The following LRGUK variants were observed in gnomAD, a reference collection of about 807,000 sequenced individuals.
LRGUK encodes the protein leucine rich repeats and guanylate kinase domain containing.
Under a neutral mutation model 76.0 loss-of-function variants are expected in LRGUK, and 65 were observed. The observed-to-expected ratio is 0.85, with a 90% CI of 0.70 to 1.05. The LOEUF (loss-of-function observed/expected upper bound fraction) is 1.05, where lower values mean the gene tolerates loss of function less well. LRGUK is among the 50% of genes least tolerant of loss of function. LRGUK has a pLI of 0.00. For synonymous variants in LRGUK, 268 were observed against 265.6 expected (o/e 1.01, Z -0.09); for missense variants, 758 against 732.8 (o/e 1.03, Z -0.40).
At chr7:134,191,829 T>A in intron 12 of LRGUK, 78 bp downstream of exon 12, 1 of 1,001,292 alleles carries the variant, frequency 1.0e-6, no homozygotes, top group Non-Finnish European at 1.5e-6. Context: ...TAGTTATAAA[T>A]AAAAAAAGGA....
chr7:134,131,023 G>A, intron 1 of LRGUK, among the ~76,000 whole-genome samples: 1 of 152,166 alleles, frequency 6.6e-6, no homozygotes. Context: ...GCTAACTACA[G>A]CCCATTAAGT....
intron 11 of LRGUK, among the ~76,000 whole-genome samples, chr7:134,185,543 ATTT>A (rs112707564): frequency 5.3e-5 from 8 of 150,364 alleles, no homozygotes; most frequent in Admixed American, 5.3e-4. Flanking sequence ...AAAAAAAAAG[ATTT>A]TTTTTTAGAG....
intron 6 of LRGUK, among the ~76,000 whole-genome samples, chr7:134,158,991 G>T (rs1009380527): frequency 1.3e-5 from 2 of 152,260 alleles, no homozygotes; most frequent in African/African-American, 4.8e-5. Context: ...CTTGTAGCTT[G>T]TAAATTTCTT....
chr7:134,174,384 G>A (rs1212330020), intron 7 of LRGUK, among the ~76,000 whole-genome samples, 172 bp from the exon 8 acceptor site: 1 of 152,158 alleles, frequency 6.6e-6, no homozygotes, highest in Non-Finnish European at 1.5e-5. Context: ...GAAGGGGTAT[G>A]CAATAATTCC....
At chr7:134,183,533 T>C (rs1035805125) in intron 10 of LRGUK, among the ~76,000 whole-genome samples, 1 of 152,244 alleles carries the variant, frequency 6.6e-6, no homozygotes, top group Non-Finnish European at 1.5e-5. Flanking sequence ...AAGTTCATAT[T>C]TTACCTTATT....
At chr7:134,254,375 T>A (rs1802521183) in intron 18 of LRGUK, among the ~76,000 whole-genome samples, 6 of 152,172 alleles carry the variant, frequency 3.9e-5, no homozygotes, top group African/African-American at 1.4e-4. Flanking sequence ...GCTGCTATAA[T>A]AAAATACCAT....
downstream of LRGUK, among the ~76,000 whole-genome samples, chr7:134,265,751 A>G (rs988048456): frequency 2.0e-5 from 3 of 152,106 alleles, no homozygotes; most frequent in Admixed American, 1.3e-4. Flanking sequence ...GCCCAATATT[A>G]ATGAGAATGC....
intron 3 of LRGUK, chr7:134,141,749 C>T (rs1212584844): frequency 6.6e-6 from 1 of 152,194 alleles, no homozygotes; most frequent in Non-Finnish European, 1.5e-5. Context: ...TGTAGCTGAG[C>T]TCAGCATGGA....
intron 16 of LRGUK, among the ~76,000 whole-genome samples, chr7:134,244,845 C>T (rs954707092): frequency 6.6e-6 from 1 of 152,144 alleles, no homozygotes; most frequent in African/African-American, 2.4e-5. Context: ...AAATGTGGCA[C>T]ACATACACCA....
intron 8 of LRGUK, among the ~76,000 whole-genome samples, chr7:134,176,347 G>T (rs924976124): frequency 6.6e-6 from 1 of 152,112 alleles, no homozygotes; most frequent in Non-Finnish European, 1.5e-5. Context: ...TAAGAAACCT[G>T]CACGTCCTGC....
intron 16 of LRGUK, among the ~76,000 whole-genome samples, chr7:134,236,241 TCTCC>T (rs910785120): frequency 6.6e-5 from 10 of 152,122 alleles, no homozygotes; most frequent in Admixed American, 6.6e-4. Context: ...CCCATCCTAC[TCTCC>T]CTCCCTCCAA....
intron 5 of LRGUK, among the ~76,000 whole-genome samples, chr7:134,155,829 A>G (rs978197556): frequency 2.2e-4 from 33 of 152,356 alleles, no homozygotes; most frequent in South Asian, 4.1e-4. Context: ...GATAATTACA[A>G]ATAATTATGG....
chr7:134,133,547 G>T (rs377765805), intron 1 of LRGUK, among the ~76,000 whole-genome samples: 2 of 152,126 alleles, frequency 1.3e-5, no homozygotes, highest in African/African-American at 4.8e-5. Context: ...CACCATATCT[G>T]TTCACTGATT....
intron 14 of LRGUK, among the ~76,000 whole-genome samples, chr7:134,201,062 C>T (rs1446806646): frequency 1.3e-5 from 2 of 152,186 alleles, no homozygotes; most frequent in Non-Finnish European, 2.9e-5. Context: ...CAAGCCAGCA[C>T]CAGCACATCG....
chr7:134,249,914 C>T (rs1426027026), intron 18 of LRGUK, among the ~76,000 whole-genome samples: 2 of 152,178 alleles, frequency 1.3e-5, no homozygotes, highest in African/African-American at 2.4e-5. Flanking sequence ...CCATCTACTA[C>T]GGGGTGCCTC....
At chr7:134,199,408 G>A (rs1354665963) in exon 14 of LRGUK, 2 of 1,612,540 alleles carry the variant, frequency 1.2e-6, no homozygotes, top group Admixed American at 1.7e-5. Flanking sequence ...ATTTTGATGA[G>A]GTAATCAATG....
At chr7:134,170,355 C>CT (rs1304478760) in intron 7 of LRGUK, among the ~76,000 whole-genome samples, 3 of 151,960 alleles carry the variant, frequency 2.0e-5, no homozygotes, top group Non-Finnish European at 4.4e-5. Context: ...TTCACCTAAA[C>CT]TTTTTTCCCC....
chr7:134,265,379 T>A (rs2117238911), downstream of LRGUK, among the ~76,000 whole-genome samples: 1 of 152,286 alleles, frequency 6.6e-6, no homozygotes, highest in East Asian at 1.9e-4. Context: ...GCAGATGGGC[T>A]ATGGATCTCA....
intron 19 of LRGUK, among the ~76,000 whole-genome samples, chr7:134,262,266 C>T (rs1286069849): frequency 6.6e-6 from 1 of 152,074 alleles, no homozygotes; most frequent in South Asian, 2.1e-4. Flanking sequence ...CCCAGCTACT[C>T]AGGAGGCTGA....
Sources: gnomAD v4.1 joint callset for allele counts (sites outside exome capture counted in the v4.1 genomes callset) on GRCh38, gnomAD v4.1.1 for gene constraint, MANE v1.5 for transcripts, NCBI Gene and HGNC (gene_info 2026-07-23, HGNC 2026-07-21) for gene names.